The following SAMD4B variants were observed in gnomAD, a reference collection of about 807,000 sequenced individuals.
SAMD4B encodes sterile alpha motif domain containing 4B.
Under a neutral mutation model 74.5 loss-of-function variants are expected in SAMD4B, and 5 were observed. The ratio of observed to expected loss-of-function variants is 0.07; its 90% confidence interval spans 0.04 to 0.14. SAMD4B has a LOEUF of 0.14. Ranked by LOEUF, SAMD4B falls within the 10% of genes least tolerant of loss-of-function variation. SAMD4B has a pLI of 1.00. For synonymous variants in SAMD4B, 373 were observed against 374.9 expected, an observed-to-expected ratio of 1.00 and a Z score of 0.06; for missense variants, 608 against 921.8, an observed-to-expected ratio of 0.66 and a Z score of 4.41.
chr19:39,378,398 C>A lies in SAMD4B; in HGVS notation c.1445-106C>A. 1 of 920,086 alleles carries A rather than the reference C, an allele frequency of 1.1e-6. No individual in the cohort carries two copies. 57.0% of individuals were successfully genotyped at this position (920,086 alleles called of 1,614,324 possible). The stretch of plus-strand genomic sequence containing the variant: ...TAGCACTTAATAGTTGATATTCATC[C>A]AGCCTGAGTCTCCTGTTCCTTCTTG... On this transcript the variant is annotated intron_variant, in intron 8 of 13. Coordinates refer to ENST00000610417, the MANE Select transcript of SAMD4B (RefSeq NM_001384574.2). The surrounding 1 kb of genome is among the most constrained non-coding windows in gnomAD (Gnocchi z 4.4).
intron 4 of SAMD4B, among the ~76,000 whole-genome samples, chr19:39,373,142 G>T (rs1299781441): frequency 6.6e-6 from 1 of 152,146 alleles, no homozygotes; most frequent in African/African-American, 2.4e-5. Context: ...CAGAAACAAG[G>T]CTTGGGCTCT....
intron 12 of SAMD4B, among the ~76,000 whole-genome samples, chr19:39,382,081 A>T (rs1270302708): frequency 1.3e-5 from 2 of 151,066 alleles, no homozygotes; most frequent in Non-Finnish European, 2.9e-5. Context: ...GAATGGGCTG[A>T]CTCTAGAGAG....
At chr19:39,373,404 T>C (rs2077418401) in intron 4 of SAMD4B, among the ~76,000 whole-genome samples, 1 of 152,070 alleles carries the variant, frequency 6.6e-6, no homozygotes, top group Admixed American at 6.5e-5. Flanking sequence ...ATTGCAGAAG[T>C]AATTGGACTG....
intron 3 of SAMD4B, among the ~76,000 whole-genome samples, chr19:39,363,461 C>G (rs2076771405): frequency 6.6e-6 from 1 of 152,068 alleles, no homozygotes; most frequent in Admixed American, 6.5e-5. Flanking sequence ...AGGGGAAGGC[C>G]CAGATGTGCT....
chr19:39,380,824 T>G, intron 11 of SAMD4B, 39 bp downstream of exon 11: 1 of 1,511,260 alleles, frequency 6.6e-7, no homozygotes, highest in Non-Finnish European at 8.8e-7. Flanking sequence ...CTCCTGGGGT[T>G]GGGGTGGCAG....
At position 39,375,909 on chromosome 19, in the gene SAMD4B, A is replaced by G; in HGVS notation, c.907+20A>G. ...TGAAAGGTACATTGGGGACAGCAGCACCAGGACCCTTTTCCAGGGGCTTCT... is the reference window on the plus strand; with the variant it reads ...TGAAAGGTACATTGGGGACAGCAGCGCCAGGACCCTTTTCCAGGGGCTTCT... On this transcript the variant is annotated intron_variant, in intron 5 of 13. Transcript: ENST00000610417. This position sits in a 1 kb window ranked among gnomAD's most constrained non-coding sequence, Gnocchi z 4.1. The G allele has an allele frequency of 6.3e-7, 1 of 1,594,784 alleles. No homozygotes were observed. Among genetic ancestry groups the G allele is most frequent in the Non-Finnish European group, 8.5e-7 (1 of 1,173,356 alleles).
chr19:39,360,974 C>T (rs1218125800), intron 3 of SAMD4B, among the ~76,000 whole-genome samples: 1 of 152,104 alleles, frequency 6.6e-6, no homozygotes, highest in Admixed American at 6.6e-5. Flanking sequence ...ACATGAGACA[C>T]CCAAGAGTTG....
At chr19:39,363,667 G>T (rs575728840) in intron 3 of SAMD4B, among the ~76,000 whole-genome samples, 1 of 152,316 alleles carries the variant, frequency 6.6e-6, no homozygotes, top group Admixed American at 6.5e-5. Context: ...AGAGACCAAG[G>T]ATCAGAGAGG....
At chr19:39,389,680 G>A (rs770973352), downstream of SAMD4B, 2 of 1,614,112 alleles carry the variant, frequency 1.2e-6, no homozygotes, top group South Asian at 1.1e-5. This position sits in a 1 kb window ranked among gnomAD's most constrained non-coding sequence, Gnocchi z 5.3. Flanking sequence ...TGATGAGATC[G>A]ATGGTGACCC....
Position 39,383,530 on chromosome 19 carries a change from G to C in SAMD4B, c.*3G>C, listed in dbSNP as rs770545995. 2.5e-6 allele frequency: 4 copies of C among 1,614,172 alleles called. No homozygotes were observed. The South Asian group carries it at 4.4e-5, about 18-fold the overall frequency. On this transcript the variant is annotated 3_prime_UTR_variant, in exon 14 of 14. Transcript: ENST00000610417. The surrounding 1 kb of genome is among the most constrained non-coding windows in gnomAD (Gnocchi z 4.1). ...CAGACAAAACCTCCACCATCTGACG[G>C]GACCCACAGCCCAGCGCACCCATAG...
intron 3 of SAMD4B, among the ~76,000 whole-genome samples, chr19:39,366,099 T>A (rs2076945401): frequency 6.6e-6 from 1 of 152,154 alleles, no homozygotes; most frequent in Non-Finnish European, 1.5e-5. Context: ...GTGGATCACC[T>A]GAGGTCAGGA....
chr19:39,366,512 G>A (rs1391620010), intron 3 of SAMD4B, among the ~76,000 whole-genome samples: 1 of 152,186 alleles, frequency 6.6e-6, no homozygotes, highest in African/African-American at 2.4e-5. Context: ...TCTCTTGGAA[G>A]CTTAGAGCAA....
At position 39,383,758 on chromosome 19, in the gene SAMD4B, T is replaced by G. The variant is rs1405790219; in HGVS notation, c.*231T>G. On this transcript the variant is annotated 3_prime_UTR_variant, in exon 14 of 14. Coordinates refer to ENST00000610417, the MANE Select transcript of SAMD4B (RefSeq NM_001384574.2). This position sits in a 1 kb window ranked among gnomAD's most constrained non-coding sequence, Gnocchi z 4.1. ...CCCGGGGAGTTGGGGGCAGCCAGGA[T>G]AAAGGGGGCAGGGACTGGCCAGACT... 1 of 1,511,100 alleles carries G rather than the reference T, an allele frequency of 6.6e-7. No homozygotes were observed. Among genetic ancestry groups the G allele is most frequent in the African/African-American group, 1.4e-5 (1 of 72,402 alleles). The allele number at this position is 1,511,100 out of a possible 1,614,324, so 93.6% of individuals were successfully genotyped here.
At chr19:39,376,337 A>G (rs1254247675) in intron 5 of SAMD4B, 100 bp from the exon 6 acceptor site, 3 of 950,102 alleles carry the variant, frequency 3.2e-6, no homozygotes, top group Non-Finnish European at 4.7e-6. Flanking sequence ...AATTTTTTGC[A>G]TCTTTTGAGG....
chr19:39,351,771 C>T (rs545858538), intron 1 of SAMD4B: 2 of 151,950 alleles, frequency 1.3e-5, no homozygotes, highest in Admixed American at 6.6e-5. Flanking sequence ...CATCATGAGA[C>T]GATGTGTAAT....
At chr19:39,366,736 G>A (rs1463193598) in intron 3 of SAMD4B, among the ~76,000 whole-genome samples, 1 of 152,180 alleles carries the variant, frequency 6.6e-6, no homozygotes, top group Non-Finnish European at 1.5e-5. Flanking sequence ...TTCAGTGTGG[G>A]CAGAGGAGAC....
At chr19:39,344,801 A>G (rs2075591826) in intron 1 of SAMD4B, among the ~76,000 whole-genome samples, 2 of 151,976 alleles carry the variant, frequency 1.3e-5, no homozygotes, top group Admixed American at 6.6e-5. Context: ...GTGCTCCGAG[A>G]TCTTTCTTTC....
At chr19:39,354,177 G>C (rs2076213370) in intron 2 of SAMD4B, 111 bp downstream of exon 2, 1 of 152,366 alleles carries the variant, frequency 6.6e-6, no homozygotes, top group South Asian at 2.1e-4. Context: ...GGCAGGACTA[G>C]AACTGAATTT....
chr19:39,363,915 G>C (rs956892735), intron 3 of SAMD4B, among the ~76,000 whole-genome samples: 1 of 152,164 alleles, frequency 6.6e-6, no homozygotes, highest in Non-Finnish European at 1.5e-5. Context: ...CAGGAAACTA[G>C]AAGTTCCATC....
Sources: gnomAD v4.1 joint callset for allele counts (sites outside exome capture counted in the v4.1 genomes callset) on GRCh38, gnomAD v4.1.1 for gene constraint, Gnocchi (gnomAD v3.1) non-coding constraint, MANE v1.5 for transcripts, NCBI Gene and HGNC (gene_info 2026-07-23, HGNC 2026-07-21) for gene names.